The following ASIP variants were observed in gnomAD, a reference collection of about 807,000 sequenced individuals.
ASIP encodes the protein agouti signaling protein.
ASIP carries 11 observed loss-of-function variants against 10.3 expected under a neutral mutation model. That is an observed-to-expected ratio of 1.07 (90% CI 0.68 to 1.78). The LOEUF is 1.78. ASIP is among the 40% of genes most tolerant of loss of function. The pLI is 0.00. For synonymous variants in ASIP, 70 were observed against 70.8 expected, an observed-to-expected ratio of 0.99 and a Z score of 0.06; for missense variants, 180 against 169.2, an observed-to-expected ratio of 1.06 and a Z score of -0.35.
chr20:34,207,999 G>A (rs1251687588), intron 1 of ASIP, among the ~76,000 whole-genome samples: 8 of 151,774 alleles, frequency 5.3e-5, no homozygotes, highest in South Asian at 2.1e-4. Context: ...CCATGGTCTC[G>A]CTCTCCTGAC....
At chr20:34,260,558 C>G (rs756126063) in intron 2 of ASIP, 24 bp downstream of exon 2, 2 of 1,587,148 alleles carry the variant, frequency 1.3e-6, no homozygotes, top group African/African-American at 2.7e-5. Flanking sequence ...CCTCTGGGCT[C>G]TGGCCCAGGA....
intron 1 of ASIP, among the ~76,000 whole-genome samples, chr20:34,226,568 G>C (rs1203185103): frequency 6.6e-6 from 1 of 151,854 alleles, no homozygotes; most frequent in Non-Finnish European, 1.5e-5. Context: ...TGGCCAGACT[G>C]GTCTCAAACT....
At chr20:34,242,382 A>G (rs1186042100) in intron 1 of ASIP, among the ~76,000 whole-genome samples, 1 of 151,970 alleles carries the variant, frequency 6.6e-6, no homozygotes, top group Non-Finnish European at 1.5e-5. Flanking sequence ...ACAGGCACAC[A>G]CCACCACGCC....
chr20:34,268,865 C>T, intron 3 of ASIP, 126 bp from the exon 4 acceptor site: 3 of 1,199,280 alleles, frequency 2.5e-6, no homozygotes, highest in East Asian at 2.7e-5. Flanking sequence ...GGGCGGTGGG[C>T]GGTGGGCAAG....
intron 1 of ASIP, among the ~76,000 whole-genome samples, chr20:34,216,213 C>CT (rs2035007349): frequency 6.6e-6 from 1 of 152,246 alleles, no homozygotes. Context: ...CGGGCGGGGT[C>CT]AGCGCCCCAA....
chr20:34,214,976 C>T (rs769949766), intron 1 of ASIP: 30 of 1,393,126 alleles, frequency 2.2e-5, no homozygotes, highest in Non-Finnish European at 2.8e-5. Flanking sequence ...TGTCCCATTC[C>T]GTTTACCGGC....
intron 1 of ASIP, among the ~76,000 whole-genome samples, chr20:34,198,954 A>G (rs1048165528): frequency 2.0e-5 from 3 of 152,020 alleles, no homozygotes; most frequent in East Asian, 1.9e-4. Context: ...TTTCTTACCA[A>G]AGTTAGTCAC....
chr20:34,269,013 T>A lies in ASIP; in HGVS notation c.245T>A (p.Val82Glu). Residue 82 changes from valine to glutamate, a missense_variant, in exon 4 of 4, where the codon GTG (valine) becomes GAG (glutamate). Coordinates refer to ENST00000374954, the MANE Select transcript of ASIP (RefSeq NM_001672.3). Reference protein sequence around the residue: ...SSKKEASMKKVVRPRTPLSAP... With the variant: ...SSKKEASMKKEVRPRTPLSAP... ...CAGAAGGAGGCTTCGATGAAGAAAG[T>A]GGTGCGGCCCCGGACCCCCCTATCT... is the stretch of plus-strand genomic sequence containing the variant. 1 of 1,607,780 alleles carries A rather than the reference T, an allele frequency of 6.2e-7. No homozygotes were observed. Among genetic ancestry groups the A allele is most frequent in the Non-Finnish European group, 8.5e-7 (1 of 1,177,804 alleles).
intron 1 of ASIP, chr20:34,214,379 A>G: frequency 6.7e-6 from 9 of 1,341,910 alleles, no homozygotes; most frequent in Non-Finnish European, 9.6e-6. Context: ...TCACAGATGT[A>G]TGCTGATAGG....
upstream of ASIP, among the ~76,000 whole-genome samples, chr20:34,189,827 C>G (rs1217177960): frequency 1.3e-5 from 2 of 152,126 alleles, no homozygotes; most frequent in African/African-American, 4.8e-5. Flanking sequence ...CCCACCAACC[C>G]CAGTCACTCA....
upstream of ASIP, among the ~76,000 whole-genome samples, chr20:34,194,138 G>T (rs1337098851): frequency 6.6e-6 from 1 of 152,162 alleles, no homozygotes; most frequent in Non-Finnish European, 1.5e-5. Flanking sequence ...GATTATTTTT[G>T]ATAGTGGCTG....
At chr20:34,207,789 T>C (rs2034947034) in intron 1 of ASIP, among the ~76,000 whole-genome samples, 1 of 151,490 alleles carries the variant, frequency 6.6e-6, no homozygotes, top group Non-Finnish European at 1.5e-5. Flanking sequence ...TATTTATTTA[T>C]TTATTTATTT....
rs2035185319 is a variant in ASIP, at chr20:34,235,857, G to GA, written c.-10-24506dup. ...AGAAAGAAAGAAGGAAGGAAGGAAGGAAGGAAGGAAAGGAAGGAAGGAAGG... is the reference window on the plus strand; with the variant it reads ...AGAAAGAAAGAAGGAAGGAAGGAAGGAAAGGAAGGAAAGGAAGGAAGGAAGG... On this transcript the variant is annotated intron_variant, in intron 1 of 3. Transcript: ENST00000568305. Among the ~76,000 whole-genome samples the GA allele has an allele frequency of 8.8e-5, 4 of 45,426 alleles. No homozygotes were observed. The African/African-American group carries it at 1.0e-3, about 11-fold the overall frequency. 29.8% of individuals were successfully genotyped at this position (45,426 alleles called of 152,430 possible).
chr20:34,258,829 GTAT>G (rs1454784786), intron 1 of ASIP, among the ~76,000 whole-genome samples: 4 of 110,164 alleles, frequency 3.6e-5, no homozygotes, highest in Admixed American at 1.2e-4. Flanking sequence ...ACTATATATA[GTAT>G]TATATATATA....
chr20:34,240,008 G>T (rs2035263186), upstream of ASIP, among the ~76,000 whole-genome samples: 1 of 152,202 alleles, frequency 6.6e-6, no homozygotes, highest in South Asian at 2.1e-4. Flanking sequence ...AGCAAGGATT[G>T]CAGTTTGAGG....
intron 1 of ASIP, among the ~76,000 whole-genome samples, chr20:34,254,198 G>T (rs1175099864): frequency 6.6e-6 from 1 of 152,154 alleles, no homozygotes; most frequent in African/African-American, 2.4e-5. Context: ...AAGTAGTTGG[G>T]ATTACAGGCA....
At chr20:34,262,371 A>G (rs1174597336) in intron 2 of ASIP, among the ~76,000 whole-genome samples, 5 of 152,206 alleles carry the variant, frequency 3.3e-5, no homozygotes, top group African/African-American at 1.2e-4. Flanking sequence ...TCAGGATTCA[A>G]ATCAGGTCCT....
At chr20:34,243,925 C>T (rs1407085246) in intron 1 of ASIP, among the ~76,000 whole-genome samples, 5 of 152,020 alleles carry the variant, frequency 3.3e-5, no homozygotes, top group South Asian at 2.1e-4. Flanking sequence ...ATTAACCGGG[C>T]GTGGTGGCGG....
chr20:34,215,997 C>G lies in ASIP; in HGVS notation c.-11+21237C>G, dbSNP rs6059725. 5.6e-6 allele frequency: 4 copies of G among 718,222 alleles called. No individual in the cohort carries two copies. The South Asian group carries it at 5.6e-5, about 10-fold the overall frequency. 44.5% of individuals were successfully genotyped at this position (718,222 alleles called of 1,614,324 possible). A position where few individuals can be genotyped will look rare whatever the true frequency, so the allele number is the denominator to read the frequency against. ...CTATCACTCCAGCCCGCCTCCCAGC[C>G]TGAACTCCATGGTCAGCCAGCGGAA... is the stretch of plus-strand genomic sequence containing the variant. On this transcript the variant is annotated intron_variant, in intron 1 of 3. Transcript: ENST00000568305.
Sources: gnomAD v4.1 joint callset for allele counts (sites outside exome capture counted in the v4.1 genomes callset) on GRCh38, gnomAD v4.1.1 for gene constraint, MANE v1.5 for transcripts, NCBI Gene and HGNC (gene_info 2026-07-23, HGNC 2026-07-21) for gene names.